RPAIN: variants seen among roughly 807,000 people sequenced by gnomAD.
RPAIN encodes the protein RPA interacting protein.
A neutral mutation model predicts 30.5 loss-of-function variants in RPAIN; 29 were observed. The ratio of observed to expected loss-of-function variants is 0.95; its 90% CI spans 0.71 to 1.30. RPAIN has a LOEUF of 1.30. Ranked by LOEUF, RPAIN falls within the 50% of genes most tolerant of loss-of-function variation. RPAIN has a pLI of 0.00. For missense variants in RPAIN, 247 were observed against 264.7 expected, an observed-to-expected ratio of 0.93 and a Z score of 0.46; for synonymous variants, 101 against 93.5, an observed-to-expected ratio of 1.08 and a Z score of -0.46.
chr17:5,425,227 A>T, intron 3 of RPAIN: 1 of 440,650 alleles, frequency 2.3e-6, no homozygotes, highest in Non-Finnish European at 4.5e-6. Context: ...ACTAGCAGAT[A>T]CTAGGTACTG....
chr17:5,427,950 G>C (rs939035648), intron 5 of RPAIN, 121 bp from the exon 6 acceptor site: 7 of 906,226 alleles, frequency 7.7e-6, no homozygotes, highest in Admixed American at 5.5e-5. Context: ...TGTCTTTAAG[G>C]CTCCAAGGAG....
intron 5 of RPAIN, 197 bp downstream of exon 5, chr17:5,426,496 G>T (rs1915405768): frequency 1.7e-6 from 1 of 592,694 alleles, no homozygotes. Flanking sequence ...GTACACATCA[G>T]AGCCTTTAGG....
intron 5 of RPAIN, chr17:5,427,853 A>G (rs1326748308): frequency 1.8e-6 from 1 of 569,004 alleles, no homozygotes; most frequent in Non-Finnish European, 3.2e-6. Context: ...AGTGTGTTTG[A>G]CAGCAGGAGT....
intron 3 of RPAIN, among the ~76,000 whole-genome samples, chr17:5,423,769 GT>G (rs925314224): frequency 6.6e-6 from 1 of 151,338 alleles, no homozygotes; most frequent in East Asian, 1.9e-4. Context: ...TTTTGTTTTT[GT>G]TTTTTTTGAG....
intron 6 of RPAIN, chr17:5,429,113 T>C (rs1437876827): frequency 9.1e-6 from 9 of 985,110 alleles, no homozygotes; most frequent in Non-Finnish European, 1.1e-5. Context: ...CTCACAGAGC[T>C]CAAGCCTTGG....
intron 5 of RPAIN, 95 bp from the exon 6 acceptor site, chr17:5,427,972 CAGTG>C: frequency 8.4e-7 from 1 of 1,192,956 alleles, no homozygotes. Context: ...CAAGCCATCA[CAGTG>C]AGCCACGGTT....
intron 3 of RPAIN, 118 bp downstream of exon 3, chr17:5,422,947 CA>C: frequency 1.3e-6 from 1 of 758,078 alleles, no homozygotes; most frequent in South Asian, 1.8e-5. Context: ...GTCAAGTGTC[CA>C]AAAGACTCCT....
intron 5 of RPAIN, 100 bp downstream of exon 5, chr17:5,426,399 C>A: frequency 9.7e-7 from 1 of 1,035,326 alleles, no homozygotes; most frequent in Non-Finnish European, 1.5e-6. Flanking sequence ...GTGCATATTT[C>A]TTCCCAGTTT....
chr17:5,432,446 T>C (rs1916073800), intron 6 of RPAIN, 96 bp from the exon 7 acceptor site: 4 of 1,160,092 alleles, frequency 3.4e-6, no homozygotes, highest in Non-Finnish European at 5.2e-6. Context: ...GGAGACCTCA[T>C]CTAATGTGTA....
chr17:5,431,789 C>T (rs768350540), intron 6 of RPAIN: 1 of 379,154 alleles, frequency 2.6e-6, no homozygotes, highest in Non-Finnish European at 5.2e-6. Context: ...TGGAATATGC[C>T]AAACCGCCTA....
At position 5,420,386 on chromosome 17, in the gene RPAIN, G is replaced by T. The variant is rs1914632852; in HGVS notation, c.81+95G>T. The T allele has an allele frequency of 9.7e-6, 10 of 1,035,526 alleles. No individual in the cohort carries two copies. The South Asian group carries it at 1.4e-4, about 15-fold the overall frequency. The allele number at this position is 1,035,526 out of a possible 1,614,324, so 64.1% of individuals were successfully genotyped here. Reference sequence around the variant, plus strand: ...CTTAGCCCTGCTCCGTGGAGCAGGTGCCGCAGCGCGCCTGGTCTGGTCAAA... The same window carrying T: ...CTTAGCCCTGCTCCGTGGAGCAGGTTCCGCAGCGCGCCTGGTCTGGTCAAA... On this transcript the variant is annotated intron_variant, in intron 1 of 6. Transcript: ENST00000381209.
At chr17:5,431,122 A>G in intron 6 of RPAIN, 1 of 309,368 alleles carries the variant, frequency 3.2e-6, no homozygotes, top group South Asian at 2.9e-5. Flanking sequence ...ATCATAGTTG[A>G]CAGTGCCGGC....
chr17:5,421,433 G>T lies in RPAIN; in HGVS notation c.219G>T (p.Gln73His), dbSNP rs548641420. ...TGGAAGAAGAGTGGAATGCTTTGCA[G>T]TCAGTGGAGAATTGTCCAGAAGACT... Reference protein sequence around the residue: ...EVMEEEWNALQSVENCPEDLA... With the variant: ...EVMEEEWNALHSVENCPEDLA... The change falls in exon 2 of 7, where the codon CAG becomes CAT. Residue 73 changes from glutamine (Q) to histidine (H), a missense_variant. Physicochemically the swap from Gln to His is conservative, Grantham distance 24 (BLOSUM62 0). Coordinates refer to ENST00000381209, the MANE Select transcript of RPAIN (RefSeq NM_001033002.4). 1.9e-6 allele frequency: 3 copies of T among 1,614,114 alleles called. No homozygotes were observed. In the African/African-American group the frequency reaches 4.0e-5, roughly 22 times the overall value.
intron 3 of RPAIN, among the ~76,000 whole-genome samples, chr17:5,424,251 C>A (rs1399952973): frequency 6.6e-6 from 1 of 151,972 alleles, no homozygotes; most frequent in Non-Finnish European, 1.5e-5. Context: ...CCTCAGCCTC[C>A]TAAAGTTTTG....
In RPAIN at chr17:5,420,201, C is replaced by A. The variant is rs186008322; in HGVS notation, c.-10C>A. The A allele has an allele frequency of 1.1e-3, 1,787 of 1,613,344 alleles. 4 individuals are homozygous for A. The highest frequency in any genetic ancestry group is 2.3e-3 in the Middle Eastern group (14 of 6,062). On this transcript the variant is annotated 5_prime_UTR_variant, in exon 1 of 7. Transcript: ENST00000381209. Reference sequence around the variant, plus strand: ...ACGGGTCTTGTGGCTTTGTCTCCCGCGAAGAGGAGATGGCGGAGTCGTTGA... The same window carrying A: ...ACGGGTCTTGTGGCTTTGTCTCCCGAGAAGAGGAGATGGCGGAGTCGTTGA...
At chr17:5,432,243 CT>C in intron 6 of RPAIN, 2 of 352,270 alleles carry the variant, frequency 5.7e-6, no homozygotes, top group East Asian at 1.0e-4. Context: ...TACAATCTTT[CT>C]GGTCAGTGGT....
chr17:5,431,260 G>A (rs1915889062), intron 6 of RPAIN: 1 of 357,200 alleles, frequency 2.8e-6, no homozygotes. Context: ...GCTGAGGTGG[G>A]AGGATCACTT....
Position 5,431,484 on chromosome 17 carries a change from T to TAAA in RPAIN, c.631-1044_631-1042dup, listed in dbSNP as rs761313492. On this transcript the variant is annotated intron_variant, in intron 6 of 6. Coordinates refer to ENST00000381209, the MANE Select transcript of RPAIN (RefSeq NM_001033002.4). ...GCTGGGTGACAGCGAGATTGTGCCT[T>TAAA]AAAAAAAAAAAAAAAAGAGGAGGGG... 218 of 369,392 alleles carry TAAA rather than the reference T, an allele frequency of 5.9e-4. 2 individuals are homozygous for TAAA. The highest frequency in any genetic ancestry group is 3.0e-3 in the African/African-American group (100 of 33,418). 22.9% of individuals were successfully genotyped at this position (369,392 alleles called of 1,614,324 possible).
At chr17:5,432,114 G>A (rs554459826) in intron 6 of RPAIN, 44 of 225,142 alleles carry the variant, frequency 2.0e-4, no homozygotes, top group Admixed American at 1.4e-3. Context: ...TTTTCTGCCC[G>A]TACTGATCAT....
Sources: gnomAD v4.1 joint callset for allele counts (sites outside exome capture counted in the v4.1 genomes callset) on GRCh38, gnomAD v4.1.1 for gene constraint, MANE v1.5 for transcripts, NCBI Gene and HGNC (gene_info 2026-07-23, HGNC 2026-07-21) for gene names.